SDHAF3: variants seen among roughly 807,000 people sequenced by gnomAD.
SDHAF3 encodes succinate dehydrogenase assembly factor 3, mitochondrial.
SDHAF3 carries 18 observed loss-of-function variants against 11.5 expected under a neutral mutation model. That is an observed-to-expected ratio of 1.56 (90% CI 1.08 to 2.32). The LOEUF is 2.32. SDHAF3 is among the 30% of genes most tolerant of loss of function. The pLI is 0.00. For synonymous variants in SDHAF3, 72 were observed against 59.3 expected (o/e 1.21, Z -0.99); for missense variants, 200 against 154.4 (o/e 1.30, Z -1.57).
intron 1 of SDHAF3, among the ~76,000 whole-genome samples, chr7:97,118,186 G>A (rs1205996282): frequency 6.6e-6 from 1 of 152,184 alleles, no homozygotes. Context: ...TCGTCGTTAA[G>A]TGCTCAAAAA....
chr7:97,180,459 T>A (rs2037782), intron 1 of SDHAF3, among the ~76,000 whole-genome samples: 26,404 of 151,982 alleles, frequency 0.17, 2,901 homozygotes, highest in Non-Finnish European at 0.25. Flanking sequence ...TACTGGAGGG[T>A]GGTATGGGTT....
intron 1 of SDHAF3, among the ~76,000 whole-genome samples, chr7:97,126,864 C>T (rs1453098271): frequency 6.7e-6 from 1 of 150,168 alleles, no homozygotes; most frequent in South Asian, 2.1e-4. Flanking sequence ...AAAAAAAAAC[C>T]CTGCAGCTAG....
intron 1 of SDHAF3, among the ~76,000 whole-genome samples, chr7:97,179,195 T>C (rs1364231014): frequency 6.6e-6 from 1 of 152,232 alleles, no homozygotes; most frequent in African/African-American, 2.4e-5. Flanking sequence ...TGGTGTTATA[T>C]ATCTATTCTA....
At chr7:97,167,798 C>G (rs1348448710) in intron 1 of SDHAF3, among the ~76,000 whole-genome samples, 1 of 152,100 alleles carries the variant, frequency 6.6e-6, no homozygotes, top group Non-Finnish European at 1.5e-5. Context: ...CTAGCTGATC[C>G]AAGTGCAGGG....
chr7:97,163,242 AGTGATTCTCCT>A (rs1279057511), intron 1 of SDHAF3, among the ~76,000 whole-genome samples: 2 of 149,182 alleles, frequency 1.3e-5, no homozygotes, highest in Non-Finnish European at 3.0e-5. Flanking sequence ...TCCGGTTTCA[AGTGATTCTCCT>A]GCCTCAGCCT....
intron 1 of SDHAF3, among the ~76,000 whole-genome samples, chr7:97,180,807 T>C (rs897153384): frequency 6.6e-5 from 10 of 152,186 alleles, no homozygotes; most frequent in Non-Finnish European, 1.3e-4. Flanking sequence ...TAAAAGTTGG[T>C]TAAAACACTT....
chr7:97,120,324 T>C (rs962315896), intron 1 of SDHAF3, among the ~76,000 whole-genome samples: 2 of 152,122 alleles, frequency 1.3e-5, no homozygotes, highest in African/African-American at 4.8e-5. Context: ...AATCTAAGCC[T>C]GGGAGTTAGA....
chr7:97,148,377 T>G (rs1271539739), intron 1 of SDHAF3, among the ~76,000 whole-genome samples: 1 of 152,034 alleles, frequency 6.6e-6, no homozygotes, highest in Non-Finnish European at 1.5e-5. Flanking sequence ...TCTACAACAA[T>G]GTTTTAAAAA....
intron 1 of SDHAF3, among the ~76,000 whole-genome samples, chr7:97,129,030 TTAGTG>T (rs1791625060): frequency 6.6e-6 from 1 of 152,156 alleles, no homozygotes. Flanking sequence ...GAATAATTAA[TTAGTG>T]TAGAAGGGCT....
chr7:97,168,929 G>A (rs1007061652), intron 1 of SDHAF3, among the ~76,000 whole-genome samples: 5 of 151,636 alleles, frequency 3.3e-5, no homozygotes, highest in Admixed American at 6.6e-5. Flanking sequence ...TCTGGGTAAC[G>A]TGAAATGTGA....
At chr7:97,151,702 T>C (rs1206101760) in intron 1 of SDHAF3, among the ~76,000 whole-genome samples, 2 of 152,050 alleles carry the variant, frequency 1.3e-5, no homozygotes, top group East Asian at 3.9e-4. Flanking sequence ...GGTTTCACAG[T>C]GTTCACCAGG....
chr7:97,174,387 C>T (rs767443671), intron 1 of SDHAF3, among the ~76,000 whole-genome samples: 1 of 152,174 alleles, frequency 6.6e-6, no homozygotes. Context: ...TACATAACTA[C>T]AGTACTGTTA....
At chr7:97,170,716 A>G (rs1348173018) in intron 1 of SDHAF3, among the ~76,000 whole-genome samples, 3 of 151,426 alleles carry the variant, frequency 2.0e-5, no homozygotes, top group Admixed American at 1.3e-4. Context: ...TTTTTTGCTC[A>G]TCTCTGGGAG....
rs1463328523 is a variant in SDHAF3 at position 97,181,623 on chromosome 7, T to TTAA, written c.*414_*416dup. On this transcript the variant is annotated 3_prime_UTR_variant, in exon 2 of 2. Coordinates refer to ENST00000432641, the MANE Select transcript of SDHAF3 (RefSeq NM_020186.3). ...TTCTGAACATTTTATCACTTCTAGT[T>TTAA]TAATAATACATACATGATTTTTCTT... The TTAA allele has an allele frequency of 1.3e-5, 2 of 159,706 alleles. No homozygotes were observed. The highest frequency in any genetic ancestry group is 3.7e-4 in the East Asian group (2 of 5,428). The allele number at this position is 159,706 out of a possible 1,614,324, so 9.9% of individuals were successfully genotyped here.
chr7:97,181,249 A>AT lies in SDHAF3; in HGVS notation c.*37dup. The AT allele has an allele frequency of 6.7e-7, 1 of 1,500,056 alleles. No homozygotes were observed. Among genetic ancestry groups the AT allele is most frequent in the South Asian group, 1.2e-5 (1 of 81,242 alleles). The allele number at this position is 1,500,056 out of a possible 1,614,324, so 92.9% of individuals were successfully genotyped here. A position where few individuals can be genotyped will look rare whatever the true frequency, so the allele number is the denominator to read the frequency against. On this transcript the variant is annotated 3_prime_UTR_variant, in exon 2 of 2. Transcript: ENST00000432641. The stretch of plus-strand genomic sequence containing the variant: ...ACAAAGCTTAATAAGACATGCAAAA[A>AT]TTTAGAACCCCTACTTTAACTGTCA...
intron 1 of SDHAF3, among the ~76,000 whole-genome samples, chr7:97,162,398 C>A (rs1033605380): frequency 1.3e-5 from 2 of 151,940 alleles, no homozygotes; most frequent in African/African-American, 4.8e-5. Context: ...CTGCTCTGAT[C>A]TTAGTTATTT....
chr7:97,162,274 G>C (rs542038988), intron 1 of SDHAF3, among the ~76,000 whole-genome samples: 300 of 151,984 alleles, frequency 2.0e-3, no homozygotes, highest in Non-Finnish European at 3.2e-3. Flanking sequence ...TTTTTGATGG[G>C]GTTGTTTTTT....
At chr7:97,147,221 C>T (rs1405011489) in intron 1 of SDHAF3, among the ~76,000 whole-genome samples, 5 of 152,140 alleles carry the variant, frequency 3.3e-5, no homozygotes, top group East Asian at 3.8e-4. Context: ...TATAAGTATA[C>T]GCAGTTATAA....
chr7:97,133,496 C>A (rs1234981677), intron 1 of SDHAF3, among the ~76,000 whole-genome samples: 1 of 152,116 alleles, frequency 6.6e-6, no homozygotes, highest in African/African-American at 2.4e-5. Context: ...TTTTGTGGGT[C>A]CTACAGCTTC....
Sources: allele counts gnomAD v4.1 joint callset (sites outside exome capture counted in the v4.1 genomes callset), GRCh38; gene constraint gnomAD v4.1.1; transcripts MANE v1.5; gene names NCBI Gene and HGNC (gene_info 2026-07-23, HGNC 2026-07-21).